The following CLCN3 variants were observed in gnomAD, a reference collection of about 807,000 sequenced individuals.
The protein encoded by CLCN3 is Cl-/H+ antiporter 3, also known as H(+)/Cl(-) exchange transporter 3.
A neutral mutation model predicts 83.4 loss-of-function variants in CLCN3; 16 were observed. The ratio of observed to expected loss-of-function variants is 0.19; its 90% CI spans 0.13 to 0.29. The LOEUF (loss-of-function observed/expected upper bound fraction) is 0.29, where lower values mean the gene tolerates loss of function less well. CLCN3 is among the 10% of genes least tolerant of loss of function. The pLI is 1.00. For synonymous variants in CLCN3, 322 were observed against 346.2 expected, an observed-to-expected ratio of 0.93 and a Z score of 0.78; for missense variants, 544 against 1,006.0, an observed-to-expected ratio of 0.54 and a Z score of 6.21.
chr4:169,669,216 C>A (rs1162761042), intron 2 of CLCN3, among the ~76,000 whole-genome samples: 1 of 151,892 alleles, frequency 6.6e-6, no homozygotes, highest in African/African-American at 2.4e-5. Flanking sequence ...GAGAAAAAGT[C>A]GAGAATAAGA....
chr4:169,705,971 G>A (rs1466537300), intron 10 of CLCN3, among the ~76,000 whole-genome samples: 2 of 151,776 alleles, frequency 1.3e-5, no homozygotes, highest in African/African-American at 4.8e-5. Context: ...TTTGAGACCA[G>A]CCTGGGCAAC....
intron 11 of CLCN3, among the ~76,000 whole-genome samples, chr4:169,712,339 ATT>A (rs567526271): frequency 6.8e-6 from 1 of 146,924 alleles, no homozygotes. Context: ...CTTGTCTAGC[ATT>A]TTTTTTTTAT....
intron 11 of CLCN3, 108 bp downstream of exon 11, chr4:169,707,374 T>TAAAA: frequency 4.3e-6 from 3 of 701,872 alleles, no homozygotes; most frequent in Non-Finnish European, 6.8e-6. Context: ...GCAAGGGACA[T>TAAAA]TATTTTATGT....
At chr4:169,683,355 T>G (rs758654074) in intron 3 of CLCN3, among the ~76,000 whole-genome samples, 7 of 152,070 alleles carry the variant, frequency 4.6e-5, no homozygotes, top group Non-Finnish European at 1.0e-4. Context: ...ATTAGCTGGG[T>G]ATAGTGTCTT....
At chr4:169,700,161 C>A (rs1560867669) in intron 9 of CLCN3, among the ~76,000 whole-genome samples, 1 of 152,158 alleles carries the variant, frequency 6.6e-6, no homozygotes, top group African/African-American at 2.4e-5. Flanking sequence ...TATTGTTTAT[C>A]CTTTTAATGA....
In CLCN3 at chr4:169,627,409, C is replaced by A. The variant is rs534216887; in HGVS notation, c.-17+6346C>A. Reference sequence around the variant, plus strand: ...GCTTGCTTACTTTTCTCAGGTTTATCAAATACATTGTATGTACCTCTCCTG... The same window carrying A: ...GCTTGCTTACTTTTCTCAGGTTTATAAAATACATTGTATGTACCTCTCCTG... On this transcript the variant is annotated intron_variant, in intron 1 of 12. Coordinates refer to ENST00000513761, the MANE Select transcript of CLCN3 (RefSeq NM_001829.4). Among the ~76,000 whole-genome samples the A allele has an allele frequency of 3.3e-5, 5 of 152,224 alleles. No homozygotes were observed. The South Asian group carries it at 8.3e-4, about 25-fold the overall frequency.
intron 1 of CLCN3, among the ~76,000 whole-genome samples, chr4:169,635,227 A>G (rs1773473452): frequency 6.6e-6 from 1 of 152,178 alleles, no homozygotes; most frequent in Non-Finnish European, 1.5e-5. Context: ...TTAAAAGTCT[A>G]TTACTAATGT....
intron 2 of CLCN3, among the ~76,000 whole-genome samples, chr4:169,640,088 A>G (rs1025514746): frequency 1.3e-5 from 2 of 152,254 alleles, no homozygotes; most frequent in Non-Finnish European, 2.9e-5. Flanking sequence ...CAAATAATGC[A>G]TATAGAATCC....
intron 2 of CLCN3, among the ~76,000 whole-genome samples, chr4:169,646,808 C>T (rs1360807602): frequency 6.6e-6 from 1 of 152,142 alleles, no homozygotes; most frequent in Non-Finnish European, 1.5e-5. Context: ...AAATGGCTAC[C>T]TGCCTGACAT....
chr4:169,649,865 C>G (rs937070831), intron 2 of CLCN3, among the ~76,000 whole-genome samples: 1 of 152,166 alleles, frequency 6.6e-6, no homozygotes, highest in Non-Finnish European at 1.5e-5. Context: ...GGGCAGATTG[C>G]TTGAGCCCAA....
intron 12 of CLCN3, among the ~76,000 whole-genome samples, chr4:169,719,645 G>C (rs556671597): frequency 6.6e-6 from 1 of 151,098 alleles, no homozygotes; most frequent in South Asian, 2.1e-4. Context: ...AATCAAAATA[G>C]CTCTGCTTCA....
chr4:169,626,753 G>C (rs533893711), intron 1 of CLCN3, among the ~76,000 whole-genome samples: 2 of 152,148 alleles, frequency 1.3e-5, no homozygotes, highest in African/African-American at 2.4e-5. Context: ...CGATGTGGGC[G>C]GATCACTTGA....
chr4:169,673,646 G>C (rs1396360457), intron 2 of CLCN3, among the ~76,000 whole-genome samples: 24 of 151,826 alleles, frequency 1.6e-4, no homozygotes, highest in Non-Finnish European at 2.9e-5. Flanking sequence ...AATGTAGGAG[G>C]GAAAATGAAG....
intron 2 of CLCN3, among the ~76,000 whole-genome samples, chr4:169,643,569 G>C (rs1730484642): frequency 1.3e-5 from 2 of 151,756 alleles, no homozygotes; most frequent in South Asian, 4.2e-4. Flanking sequence ...GTCTCATTCT[G>C]TCATCCAGGC....
intron 9 of CLCN3, among the ~76,000 whole-genome samples, chr4:169,698,818 GGAGA>G (rs1732668358): frequency 6.6e-6 from 1 of 152,158 alleles, no homozygotes; most frequent in African/African-American, 2.4e-5. Flanking sequence ...GGAGGCTGTA[GGAGA>G]GAGTCTTGTT....
chr4:169,631,115 G>GT (rs1301927366), intron 1 of CLCN3, among the ~76,000 whole-genome samples: 1 of 152,134 alleles, frequency 6.6e-6, no homozygotes, highest in Non-Finnish European at 1.5e-5. Context: ...AGCATCTGTT[G>GT]TTTTTTGGCT....
In CLCN3 at chr4:169,689,024, C is replaced by A; in HGVS notation, c.419-19C>A. 6.2e-7 allele frequency: 1 copy of A among 1,601,018 alleles called. No individual in the cohort carries two copies. Among genetic ancestry groups the A allele is most frequent in the Non-Finnish European group, 8.5e-7 (1 of 1,176,104 alleles). On this transcript the variant is annotated intron_variant, in intron 4 of 12. Transcript: ENST00000513761. ...AAAATTGACTTAATTTTTTTACCATCTCCAACATGTTTTTATAGGGGCACT... is the reference window on the plus strand; with the variant it reads ...AAAATTGACTTAATTTTTTTACCATATCCAACATGTTTTTATAGGGGCACT...
intron 11 of CLCN3, among the ~76,000 whole-genome samples, chr4:169,709,156 G>A (rs1233107414): frequency 6.7e-6 from 1 of 148,874 alleles, no homozygotes; most frequent in African/African-American, 2.4e-5. Flanking sequence ...AAAAATGTAT[G>A]TGTTATATAT....
At chr4:169,683,032 A>G (rs751957772) in intron 3 of CLCN3, among the ~76,000 whole-genome samples, 1 of 152,236 alleles carries the variant, frequency 6.6e-6, no homozygotes, top group Non-Finnish European at 1.5e-5. Context: ...CAGACACACT[A>G]TAAATCCTGT....
Sources: gnomAD v4.1 joint callset for allele counts (sites outside exome capture counted in the v4.1 genomes callset) on GRCh38, gnomAD v4.1.1 for gene constraint, MANE v1.5 for transcripts, NCBI Gene and HGNC (gene_info 2026-07-23, HGNC 2026-07-21) for gene names.